NAV1: variants seen among roughly 807,000 people sequenced by gnomAD.
NAV1 encodes the protein pore membrane and/or filament interacting like protein 3.
In NAV1, 18 loss-of-function variants were observed where a neutral mutation model predicts 175.2. The observed-to-expected ratio is 0.10, with a 90% CI of 0.07 to 0.15. The LOEUF (loss-of-function observed/expected upper bound fraction) is 0.15, where lower values mean the gene tolerates loss of function less well. Ranked by LOEUF, NAV1 falls within the 10% of genes least tolerant of loss-of-function variation. NAV1 has a pLI of 1.00. For missense variants in NAV1, 1,731 were observed against 2,436.6 expected (o/e 0.71, Z 6.10); for synonymous variants, 897 against 978.7 (o/e 0.92, Z 1.56).
chr1:201,733,645 G>A (rs1672963427), intron 3 of NAV1: 1 of 152,222 alleles, frequency 6.6e-6, no homozygotes, highest in Non-Finnish European at 1.5e-5. Flanking sequence ...TGGGGTAGCG[G>A]GTATTTGAGA....
chr1:201,693,062 C>T (rs545984639), intron 1 of NAV1, among the ~76,000 whole-genome samples: 213 of 152,212 alleles, frequency 1.4e-3, no homozygotes, highest in African/African-American at 4.8e-3. Context: ...GACTGGGAGG[C>T]GGGACAAGTA....
chr1:201,753,196 G>A (rs1430912110), intron 3 of NAV1, among the ~76,000 whole-genome samples: 2 of 152,110 alleles, frequency 1.3e-5, no homozygotes, highest in African/African-American at 2.4e-5. Context: ...AAACTATCAC[G>A]TAAATGCTTT....
rs895088298 is a variant in NAV1 at position 201,714,477 on chromosome 1, G to A, written c.860+1558G>A. On this transcript the variant is annotated intron_variant, in intron 2 of 29. Transcript: ENST00000367296. ...CTCTCTGGGGATTACCTCTGCTCAGGCCAGCAGAACCCTGACTACTGAAAG... is the reference window on the plus strand; with the variant it reads ...CTCTCTGGGGATTACCTCTGCTCAGACCAGCAGAACCCTGACTACTGAAAG... Among the ~76,000 whole-genome samples, 2 of 152,154 alleles carry A rather than the reference G, an allele frequency of 1.3e-5. 1 individual carries two copies. The highest frequency in any genetic ancestry group is 4.1e-4 in the South Asian group (2 of 4,824).
intron 1 of NAV1, among the ~76,000 whole-genome samples, chr1:201,555,091 C>G (rs1665974552): frequency 6.6e-6 from 1 of 152,138 alleles, no homozygotes; most frequent in African/African-American, 2.4e-5. Flanking sequence ...GCAGTCATAC[C>G]AGATTAGGAG....
intron 1 of NAV1, among the ~76,000 whole-genome samples, chr1:201,545,429 T>C (rs1349939401): frequency 1.3e-5 from 2 of 152,120 alleles, no homozygotes; most frequent in African/African-American, 4.8e-5. Context: ...TCTCTCTCTC[T>C]GTCACCCAGG....
chr1:201,722,693 C>T (rs1293021525), intron 3 of NAV1, among the ~76,000 whole-genome samples: 1 of 152,050 alleles, frequency 6.6e-6, no homozygotes, highest in Non-Finnish European at 1.5e-5. Context: ...TTTGAGGAAC[C>T]ACCATACCGT....
intron 1 of NAV1, among the ~76,000 whole-genome samples, chr1:201,709,750 C>T (rs1266333394): frequency 6.6e-6 from 1 of 152,188 alleles, no homozygotes; most frequent in Non-Finnish European, 1.5e-5. Flanking sequence ...CTGGTCACCC[C>T]CAAGGAAACC....
intron 1 of NAV1, among the ~76,000 whole-genome samples, chr1:201,664,833 C>T (rs1032948019): frequency 1.3e-5 from 2 of 152,136 alleles, no homozygotes; most frequent in African/African-American, 4.8e-5. Flanking sequence ...CCTCTGCCAC[C>T]AGTCCACCCA....
At position 201,609,817 on chromosome 1, in the gene NAV1, T is replaced by C. The variant is rs1474651980; in HGVS notation, c.-32-13036T>C. Among the ~76,000 whole-genome samples the C allele has an allele frequency of 2.6e-5, 4 of 152,100 alleles. No homozygotes were observed. The East Asian group carries it at 7.7e-4, about 29-fold the overall frequency. On this transcript the variant is annotated intron_variant, in intron 2 of 33. Coordinates refer to the NAV1 transcript ENST00000685211. ...GCTATTGTTAGGGAAGCCAGACTTCTTGTAACTCTGGCCTGGAGGAAAGTG... is the reference window on the plus strand; with the variant it reads ...GCTATTGTTAGGGAAGCCAGACTTCCTGTAACTCTGGCCTGGAGGAAAGTG...
chr1:201,641,849 G>A (rs753679975), intron 2 of NAV1, among the ~76,000 whole-genome samples: 9 of 152,106 alleles, frequency 5.9e-5, no homozygotes, highest in Non-Finnish European at 1.0e-4. Context: ...AGGAAGCCAA[G>A]TATGGGCTCA....
At chr1:201,616,839 T>C (rs1668016711) in intron 2 of NAV1, among the ~76,000 whole-genome samples, 1 of 152,098 alleles carries the variant, frequency 6.6e-6, no homozygotes. Flanking sequence ...TTGTCACGAG[T>C]GTGCATGTGT....
chr1:201,672,867 A>AACT (rs1343715066), intron 1 of NAV1, among the ~76,000 whole-genome samples: 1 of 152,224 alleles, frequency 6.6e-6, no homozygotes, highest in East Asian at 1.9e-4. Context: ...ACCGCCCAAC[A>AACT]GACGCTCAAG....
At chr1:201,668,097 T>A in intron 1 of NAV1, among the ~76,000 whole-genome samples, 1 of 152,116 alleles carries the variant, frequency 6.6e-6, no homozygotes. Context: ...CTGCCTCAGG[T>A]TTCCCCTTGA....
intron 2 of NAV1, among the ~76,000 whole-genome samples, chr1:201,635,668 A>G (rs145699254): frequency 6.6e-6 from 1 of 152,270 alleles, no homozygotes; most frequent in Non-Finnish European, 1.5e-5. Context: ...GGAAGGTGAT[A>G]AACTTTCCCC....
chr1:201,591,671 C>G (rs1489589791), intron 2 of NAV1, among the ~76,000 whole-genome samples: 1 of 152,206 alleles, frequency 6.6e-6, no homozygotes, highest in Admixed American at 6.5e-5. Flanking sequence ...GGGCCCCACC[C>G]CAGCTGCAAC....
intron 2 of NAV1, among the ~76,000 whole-genome samples, chr1:201,612,047 A>T (rs1456566099): frequency 6.6e-6 from 1 of 151,760 alleles, no homozygotes; most frequent in Non-Finnish European, 1.5e-5. Flanking sequence ...ATGTATTTGT[A>T]GGTTGTGTGT....
At chr1:201,582,860 A>G (rs1666906205) in intron 1 of NAV1, among the ~76,000 whole-genome samples, 1 of 152,212 alleles carries the variant, frequency 6.6e-6, no homozygotes, top group African/African-American at 2.4e-5. Flanking sequence ...AGCCAGGTCT[A>G]TTACACCCTT....
exon 1 of NAV1, chr1:201,622,986 C>A: frequency 6.1e-6 from 6 of 986,146 alleles, no homozygotes; most frequent in Non-Finnish European, 7.2e-6. Context: ...CTACACCGGG[C>A]GCTTCTCCCC....
chr1:201,699,505 G>T (rs1360049825), intron 1 of NAV1, among the ~76,000 whole-genome samples: 1 of 152,144 alleles, frequency 6.6e-6, no homozygotes. Context: ...CCTGAAAATG[G>T]CCATACTGCC....
Sources: gnomAD v4.1 joint callset for allele counts (sites outside exome capture counted in the v4.1 genomes callset) on GRCh38, gnomAD v4.1.1 for gene constraint, MANE v1.5 for transcripts, NCBI Gene and HGNC (gene_info 2026-07-23, HGNC 2026-07-21) for gene names.